Variants in AGBL4 observed in about 807,000 individuals in gnomAD.
The protein encoded by AGBL4 is AGBL carboxypeptidase 4, also known as cytosolic carboxypeptidase 6.
AGBL4 carries 58 observed loss-of-function variants against 66.4 expected under a neutral mutation model. That is an observed-to-expected ratio of 0.87 (90% CI 0.71 to 1.09). The LOEUF (loss-of-function observed/expected upper bound fraction) is 1.09, where lower values mean the gene tolerates loss of function less well. Among genes scored for constraint, AGBL4 ranks in the 50% least tolerant of loss-of-function variants. The probability of loss-of-function intolerance (pLI) is 0.00; values close to 1 mark genes in which losing one functional copy is unlikely to be tolerated. For synonymous variants in AGBL4, 234 were observed against 222.9 expected, an observed-to-expected ratio of 1.05 and a Z score of -0.44; for missense variants, 579 against 631.0, an observed-to-expected ratio of 0.92 and a Z score of 0.88.
intron 3 of AGBL4, among the ~76,000 whole-genome samples, chr1:49,403,101 T>C (rs1006102425): frequency 5.9e-5 from 9 of 152,238 alleles, no homozygotes; most frequent in Non-Finnish European, 8.8e-5. Context: ...TCCAGCTATA[T>C]TGTATTGGAA....
chr1:49,024,235 C>A (rs959582304), intron 5 of AGBL4, among the ~76,000 whole-genome samples: 1 of 152,074 alleles, frequency 6.6e-6, no homozygotes, highest in Non-Finnish European at 1.5e-5. Flanking sequence ...ATCTTTCCTC[C>A]TCGCACTCTC....
chr1:48,740,830 A>G (rs1404331637), intron 6 of AGBL4, among the ~76,000 whole-genome samples: 1 of 152,228 alleles, frequency 6.6e-6, no homozygotes, highest in Non-Finnish European at 1.5e-5. Flanking sequence ...TGTTCTGGGA[A>G]GCTGCCATCA....
chr1:49,193,749 G>A (rs1164451775), intron 4 of AGBL4, among the ~76,000 whole-genome samples: 2 of 151,914 alleles, frequency 1.3e-5, no homozygotes, highest in East Asian at 1.9e-4. Context: ...TAGCCATGAT[G>A]GTCTCAATCT....
At chr1:48,834,323 T>C (rs185295377) in intron 6 of AGBL4, among the ~76,000 whole-genome samples, 76 of 152,246 alleles carry the variant, frequency 5.0e-4, no homozygotes, top group Admixed American at 1.2e-3. Flanking sequence ...GAGTTAAGAC[T>C]CTGGGGCTGA....
intron 6 of AGBL4, among the ~76,000 whole-genome samples, chr1:48,778,713 G>A (rs1645204296): frequency 6.6e-6 from 1 of 152,044 alleles, no homozygotes; most frequent in African/African-American, 2.4e-5. Flanking sequence ...TTTATCATCA[G>A]AAAACATCAA....
intron 6 of AGBL4, among the ~76,000 whole-genome samples, chr1:48,673,851 G>C (rs1646316757): frequency 1.3e-5 from 2 of 152,180 alleles, no homozygotes; most frequent in South Asian, 4.1e-4. Flanking sequence ...TACTCAACAG[G>C]GAGATTACTT....
intron 3 of AGBL4, among the ~76,000 whole-genome samples, chr1:49,438,600 C>A (rs1645957149): frequency 6.6e-6 from 1 of 152,184 alleles, no homozygotes; most frequent in African/African-American, 2.4e-5. Context: ...AACCTCATCC[C>A]TGGTGCCCTA....
chr1:48,652,451 G>A (rs998088305), intron 8 of AGBL4, among the ~76,000 whole-genome samples: 1 of 152,170 alleles, frequency 6.6e-6, no homozygotes, highest in Non-Finnish European at 1.5e-5. Flanking sequence ...TTTCCTCAAC[G>A]CAGCTGCAGC....
rs191989317 is a variant in AGBL4 at position 49,120,094 on chromosome 1, C to T, written c.378-74294G>A. ...GTGTCTCTGCATGTGAGATGGGTCT[C>T]CTGAATACAGCACACCGATGGGTCT... On this transcript the variant is annotated intron_variant, in intron 4 of 13. Transcript: ENST00000371839. Among the ~76,000 whole-genome samples, 169 of 152,142 alleles carry T rather than the reference C, an allele frequency of 1.1e-3. 1 individual carries two copies. The highest frequency in any genetic ancestry group is 4.0e-3 in the African/African-American group (166 of 41,516).
At chr1:50,001,065 A>T (rs999965524) in intron 1 of AGBL4, among the ~76,000 whole-genome samples, 9 of 151,754 alleles carry the variant, frequency 5.9e-5, no homozygotes, top group Non-Finnish European at 1.2e-4. Context: ...TTTTAAAACT[A>T]GATATTTGAT....
intron 4 of AGBL4, among the ~76,000 whole-genome samples, chr1:49,229,846 T>C (rs1403766206): frequency 6.6e-6 from 1 of 152,092 alleles, no homozygotes; most frequent in African/African-American, 2.4e-5. Context: ...TAACCATGCC[T>C]GGTGTGAAGG....
At chr1:48,774,029 T>A (rs1430291521) in intron 6 of AGBL4, among the ~76,000 whole-genome samples, 1 of 152,220 alleles carries the variant, frequency 6.6e-6, no homozygotes, top group African/African-American at 2.4e-5. Context: ...TAAAAAGAAG[T>A]ATACTTCAAG....
At chr1:49,150,618 C>T (rs374939676) in intron 4 of AGBL4, among the ~76,000 whole-genome samples, 1 of 152,304 alleles carries the variant, frequency 6.6e-6, no homozygotes, top group East Asian at 1.9e-4. Flanking sequence ...ACATGCCTCT[C>T]TCACTACTCT....
chr1:48,813,242 C>T (rs1440343523), intron 6 of AGBL4, among the ~76,000 whole-genome samples: 1 of 152,078 alleles, frequency 6.6e-6, no homozygotes, highest in Non-Finnish European at 1.5e-5. Context: ...TAGGAAGTTT[C>T]TAAAAGACGG....
chr1:49,189,343 GTGT>G (rs1257508413), intron 4 of AGBL4, among the ~76,000 whole-genome samples: 1 of 152,166 alleles, frequency 6.6e-6, no homozygotes, highest in African/African-American at 2.4e-5. Context: ...TAGGGCTGAT[GTGT>G]TGAACAGATG....
chr1:49,778,944 CT>C (rs1410482046), intron 2 of AGBL4, among the ~76,000 whole-genome samples: 3 of 152,158 alleles, frequency 2.0e-5, no homozygotes, highest in African/African-American at 7.2e-5. Flanking sequence ...CATGTATCCC[CT>C]GAATCTAAAA....
intron 5 of AGBL4, among the ~76,000 whole-genome samples, chr1:48,939,676 T>C (rs1307949717): frequency 2.0e-5 from 3 of 152,136 alleles, no homozygotes; most frequent in Non-Finnish European, 4.4e-5. Flanking sequence ...CAAATCAGCT[T>C]CTGTACCTTC....
intron 1 of AGBL4, among the ~76,000 whole-genome samples, chr1:49,962,433 T>C (rs906856744): frequency 1.5e-4 from 23 of 152,212 alleles, no homozygotes; most frequent in African/African-American, 5.5e-4. Context: ...ATTTGAAAAA[T>C]TGATTCTAAT....
chr1:48,686,519 G>A (rs974998750), intron 6 of AGBL4, among the ~76,000 whole-genome samples: 1 of 152,226 alleles, frequency 6.6e-6, no homozygotes, highest in Admixed American at 6.5e-5. Flanking sequence ...AGTGTTCAAT[G>A]AGAATGTGTT....
Sources: gnomAD v4.1 joint callset for allele counts (sites outside exome capture counted in the v4.1 genomes callset) on GRCh38, gnomAD v4.1.1 for gene constraint, MANE v1.5 for transcripts, NCBI Gene and HGNC (gene_info 2026-07-23, HGNC 2026-07-21) for gene names.